Variants in TRPM3 observed in about 807,000 individuals in gnomAD.
TRPM3 encodes transient receptor potential cation channel subfamily M member 3.
A neutral mutation model predicts 181.2 loss-of-function variants in TRPM3; 77 were observed. The ratio of observed to expected loss-of-function variants is 0.42; its 90% CI spans 0.35 to 0.51. The LOEUF is 0.51. Among genes scored for constraint, TRPM3 ranks in the 20% least tolerant of loss-of-function variants. TRPM3 has a pLI of 0.01. For synonymous variants in TRPM3, 745 were observed against 796.4 expected (o/e 0.94, Z 1.09); for missense variants, 1,759 against 2,196.7 (o/e 0.80, Z 3.98).
chr9:71,316,817 A>G (rs1210360215), intron 1 of TRPM3, among the ~76,000 whole-genome samples: 1 of 152,154 alleles, frequency 6.6e-6, no homozygotes, highest in Non-Finnish European at 1.5e-5. Flanking sequence ...AATTAATTAC[A>G]ACAGCAAAAG....
At chr9:70,878,998 A>C (rs1172198766) in intron 1 of TRPM3, among the ~76,000 whole-genome samples, 1 of 152,144 alleles carries the variant, frequency 6.6e-6, no homozygotes, top group Non-Finnish European at 1.5e-5. Context: ...TAGCTATTGC[A>C]ATATGTCATA....
intron 9 of TRPM3, among the ~76,000 whole-genome samples, chr9:70,643,859 T>C (rs918916599): frequency 6.6e-6 from 1 of 152,252 alleles, no homozygotes; most frequent in Non-Finnish European, 1.5e-5. Flanking sequence ...CTAGTGTAGA[T>C]AGCATATGTT....
intron 1 of TRPM3, among the ~76,000 whole-genome samples, chr9:71,377,577 T>A (rs895461247): frequency 5.3e-5 from 8 of 152,082 alleles, no homozygotes; most frequent in Non-Finnish European, 1.0e-4. Flanking sequence ...TCTTGGTATG[T>A]TATTCTCCAG....
At chr9:70,616,421 C>T (rs576651639) in intron 17 of TRPM3, among the ~76,000 whole-genome samples, 18 of 151,674 alleles carry the variant, frequency 1.2e-4, no homozygotes, top group Non-Finnish European at 2.4e-4. Context: ...CTATTTAAGG[C>T]AAAAGTGGGA....
intron 3 of TRPM3, among the ~76,000 whole-genome samples, chr9:70,855,642 C>G (rs1046463823): frequency 1.3e-5 from 2 of 152,210 alleles, no homozygotes; most frequent in African/African-American, 4.8e-5. Flanking sequence ...TTCCAAGCCT[C>G]TAGTGGAAAA....
At chr9:71,381,779 A>T (rs1427421997) in intron 1 of TRPM3, among the ~76,000 whole-genome samples, 2 of 152,116 alleles carry the variant, frequency 1.3e-5, no homozygotes, top group African/African-American at 4.8e-5. Flanking sequence ...CACTTTCTCT[A>T]ATATTAGGGA....
At chr9:71,093,970 G>T (rs2066684135) in intron 1 of TRPM3, among the ~76,000 whole-genome samples, 2 of 151,494 alleles carry the variant, frequency 1.3e-5, no homozygotes, top group South Asian at 4.2e-4. Flanking sequence ...ATCAATCTCA[G>T]CAAACTAACA....
At chr9:71,208,777 C>G (rs1345458789) in intron 1 of TRPM3, among the ~76,000 whole-genome samples, 1 of 152,164 alleles carries the variant, frequency 6.6e-6, no homozygotes, top group East Asian at 1.9e-4. Flanking sequence ...AAACTATATA[C>G]TATAATTCTC....
upstream of TRPM3, among the ~76,000 whole-genome samples, chr9:71,123,176 A>T (rs1383004146): frequency 6.6e-6 from 1 of 152,192 alleles, no homozygotes. Context: ...TTCAAAAGGG[A>T]CTTCAGGAAT....
chr9:70,824,751 A>T (rs1345792260), intron 6 of TRPM3: 1 of 152,212 alleles, frequency 6.6e-6, no homozygotes, highest in Admixed American at 6.5e-5. Flanking sequence ...TAAAAGGAAG[A>T]ACCACAAAGT....
intron 1 of TRPM3, among the ~76,000 whole-genome samples, chr9:71,299,732 A>C (rs1319389703): frequency 6.6e-6 from 1 of 152,072 alleles, no homozygotes; most frequent in Non-Finnish European, 1.5e-5. Flanking sequence ...TTTGTATCTT[A>C]TTTTCTGTTG....
In TRPM3 at chr9:70,943,978, C is replaced by G. The variant is rs943939462; in HGVS notation, c.178-79467G>C. On this transcript the variant is annotated intron_variant, in intron 1 of 25. Coordinates refer to ENST00000677713, the MANE Select transcript of TRPM3 (RefSeq NM_001366145.2). ...TATTTTTAGTAGAGACGGGGTTTCACCATACTGGTAAGGCTGGTCTCGAAC... is the reference window on the plus strand; with the variant it reads ...TATTTTTAGTAGAGACGGGGTTTCAGCATACTGGTAAGGCTGGTCTCGAAC... Among the ~76,000 whole-genome samples, 4 of 152,290 alleles carry G rather than the reference C, an allele frequency of 2.6e-5. No homozygotes were observed. The Middle Eastern group carries it at 0.01, about 388-fold the overall frequency.
At chr9:70,876,468 C>T (rs547345331) in intron 1 of TRPM3, among the ~76,000 whole-genome samples, 8 of 150,388 alleles carry the variant, frequency 5.3e-5, no homozygotes, top group South Asian at 2.1e-4. Flanking sequence ...TATGATTAGT[C>T]GATTTAAAAA....
At chr9:70,939,113 T>A (rs2096859877) in intron 1 of TRPM3, among the ~76,000 whole-genome samples, 1 of 152,190 alleles carries the variant, frequency 6.6e-6, no homozygotes, top group African/African-American at 2.4e-5. Flanking sequence ...AGGTGGTACA[T>A]AGCAGGTGAT....
intron 22 of TRPM3, among the ~76,000 whole-genome samples, chr9:70,581,078 T>C (rs2132344365): frequency 6.6e-6 from 1 of 152,370 alleles, no homozygotes; most frequent in Admixed American, 6.5e-5. Flanking sequence ...CTTTATTCCT[T>C]TGTGTATTAG....
In TRPM3 at chr9:71,197,139, C is replaced by T. The variant is rs139297917; in HGVS notation, c.183+249514G>A. Among the ~76,000 whole-genome samples the T allele has an allele frequency of 1.9e-3, 289 of 152,130 alleles. 1 individual carries two copies. The highest frequency in any genetic ancestry group is 6.7e-3 in the African/African-American group (280 of 41,498). On this transcript the variant is annotated intron_variant, in intron 1 of 24. Transcript: ENST00000357533. Reference sequence around the variant, plus strand: ...TGCGATGTTTGGTTTTTTGTCCTTGCGATAGTTTACGGAGAAGGATGATTC... The same window carrying T: ...TGCGATGTTTGGTTTTTTGTCCTTGTGATAGTTTACGGAGAAGGATGATTC...
intron 1 of TRPM3, among the ~76,000 whole-genome samples, chr9:71,409,759 T>C (rs2093507975): frequency 6.6e-6 from 1 of 152,162 alleles, no homozygotes; most frequent in African/African-American, 2.4e-5. Flanking sequence ...CAAGTGGACC[T>C]AAGAGACATC....
intron 1 of TRPM3, among the ~76,000 whole-genome samples, chr9:71,433,678 G>A (rs1266283635): frequency 6.6e-6 from 1 of 152,204 alleles, no homozygotes; most frequent in Non-Finnish European, 1.5e-5. Context: ...ATACAAATGA[G>A]TGTTGTAGAC....
chr9:70,771,980 G>C (rs763051403), intron 7 of TRPM3, among the ~76,000 whole-genome samples: 24 of 152,152 alleles, frequency 1.6e-4, no homozygotes, highest in African/African-American at 5.5e-4. Flanking sequence ...GCCTAGAATA[G>C]TGCCTGGAAC....
Sources: allele counts gnomAD v4.1 joint callset (sites outside exome capture counted in the v4.1 genomes callset), GRCh38; gene constraint gnomAD v4.1.1; transcripts MANE v1.5; gene names NCBI Gene and HGNC (gene_info 2026-07-23, HGNC 2026-07-21).